SORBS2: variants seen among roughly 807,000 people sequenced by gnomAD.
SORBS2 encodes the protein sorbin and SH3 domain-containing protein 2.
In SORBS2, 46 loss-of-function variants were observed where a neutral mutation model predicts 97.7. That is an observed-to-expected ratio of 0.47 (90% CI 0.37 to 0.60). The LOEUF is 0.60. SORBS2 is among the 20% of genes least tolerant of loss of function. The pLI is 0.00. For synonymous variants in SORBS2, 476 were observed against 473.4 expected, an observed-to-expected ratio of 1.01 and a Z score of -0.07; for missense variants, 1,316 against 1,282.3, an observed-to-expected ratio of 1.03 and a Z score of -0.40.
intron 1 of SORBS2, among the ~76,000 whole-genome samples, chr4:185,862,396 A>G (rs2099224346): frequency 6.6e-6 from 1 of 152,244 alleles, no homozygotes; most frequent in Non-Finnish European, 1.5e-5. Context: ...GACAGGATAT[A>G]TTTGACTTTG....
intron 3 of SORBS2, 49 bp from the exon 7 acceptor site, chr4:185,678,596 A>G: frequency 6.8e-7 from 1 of 1,469,408 alleles, no homozygotes. Flanking sequence ...ACGTTCACTT[A>G]AACATTTTTT....
Position 185,624,129 on chromosome 4 carries a change from C to T in SORBS2, c.1000G>A (p.Val334Ile), listed in dbSNP as rs139854513. 74 of 1,614,224 alleles carry T rather than the reference C, an allele frequency of 4.6e-5. No individual in the cohort carries two copies. The Admixed American group carries it at 1.2e-3, about 27-fold the overall frequency. ...ATCCTTGATCTGCCGTTACTGCGAA[C>T]CTCCGGGACGTAGGGGGACCCCCAC... Residue 334 changes from valine to isoleucine, a missense_variant, in exon 7 of 15, where the codon GTT (valine) becomes ATT (isoleucine). Physicochemically the swap from Val to Ile is conservative, Grantham distance 29. Coordinates refer to ENST00000418609, the Ensembl canonical transcript of SORBS2.
intron 1 of SORBS2, among the ~76,000 whole-genome samples, chr4:185,896,071 A>T (rs115229898): frequency 5.9e-4 from 90 of 152,300 alleles, no homozygotes; most frequent in African/African-American, 2.1e-3. Flanking sequence ...ATAGGCCAAA[A>T]AAAGCTCCGG....
intron 12 of SORBS2, among the ~76,000 whole-genome samples, chr4:185,598,973 T>C (rs2096187744): frequency 6.6e-6 from 1 of 152,132 alleles, no homozygotes; most frequent in South Asian, 2.1e-4. Flanking sequence ...CAAAAGAAGC[T>C]TATGTTTTGC....
At chr4:185,917,960 A>G (rs1355060561) in intron 1 of SORBS2, among the ~76,000 whole-genome samples, 2 of 152,220 alleles carry the variant, frequency 1.3e-5, no homozygotes, top group African/African-American at 2.4e-5. Context: ...ACTTCCATGT[A>G]TTATGAATAT....
chr4:185,775,352 G>A, exon 2 of SORBS2: 1 of 152,594 alleles, frequency 6.6e-6, no homozygotes, highest in East Asian at 1.9e-4. Flanking sequence ...TTAAGATTAA[G>A]TCCAATCCAA....
intron 1 of SORBS2, among the ~76,000 whole-genome samples, chr4:185,843,683 AATT>A (rs1388903077): frequency 6.6e-6 from 1 of 152,190 alleles, no homozygotes; most frequent in African/African-American, 2.4e-5. Context: ...TATAACTATA[AATT>A]ATTAATGAAA....
chr4:185,875,387 TA>T (rs1420400328), intron 1 of SORBS2, among the ~76,000 whole-genome samples: 2 of 152,034 alleles, frequency 1.3e-5, no homozygotes, highest in East Asian at 1.9e-4. Context: ...ATTTATCAAC[TA>T]AAAAAATTAA....
intron 2 of SORBS2, chr4:185,774,956 C>G (rs1263150656): frequency 2.0e-5 from 3 of 151,112 alleles, no homozygotes; most frequent in African/African-American, 7.3e-5. Context: ...TCTCATTGCT[C>G]TGGCAATCAG....
At chr4:185,648,524 C>G (rs916053219) in intron 3 of SORBS2, among the ~76,000 whole-genome samples, 1 of 151,228 alleles carries the variant, frequency 6.6e-6, no homozygotes, top group Admixed American at 6.6e-5. Flanking sequence ...GCATGAGCCA[C>G]CACGCCTGGC....
chr4:185,914,380 A>T (rs529882170), intron 1 of SORBS2, among the ~76,000 whole-genome samples: 1 of 152,252 alleles, frequency 6.6e-6, no homozygotes, highest in African/African-American at 2.4e-5. Context: ...TTCTGGTATA[A>T]TTTTTATGTA....
At chr4:185,808,591 T>C (rs994125789) in intron 1 of SORBS2, among the ~76,000 whole-genome samples, 4 of 152,188 alleles carry the variant, frequency 2.6e-5, no homozygotes, top group African/African-American at 9.6e-5. Flanking sequence ...GAGAATATTC[T>C]CTCCCTTACC....
intron 2 of SORBS2, among the ~76,000 whole-genome samples, chr4:185,756,167 AC>A (rs2098829216): frequency 6.6e-6 from 1 of 152,208 alleles, no homozygotes. Context: ...AAAATCGAAT[AC>A]AAGATGCTCA....
chr4:185,789,963 C>T (rs546554855), intron 1 of SORBS2, among the ~76,000 whole-genome samples: 7 of 152,258 alleles, frequency 4.6e-5, no homozygotes, highest in African/African-American at 1.7e-4. Context: ...TGGAGCAGTG[C>T]CTCCATGGGC....
intron 2 of SORBS2, among the ~76,000 whole-genome samples, chr4:185,746,868 A>G (rs2098764314): frequency 6.6e-6 from 1 of 152,218 alleles, no homozygotes; most frequent in African/African-American, 2.4e-5. Flanking sequence ...TCTTAAATTC[A>G]TGTATCGAAG....
chr4:185,777,640 AAGTC>A (rs1186645840), intron 1 of SORBS2, among the ~76,000 whole-genome samples: 1 of 152,190 alleles, frequency 6.6e-6, no homozygotes, highest in Non-Finnish European at 1.5e-5. Context: ...CATTTGGTGA[AAGTC>A]AGTACCATCA....
At chr4:185,953,667 G>T (rs1344145777) in intron 1 of SORBS2, among the ~76,000 whole-genome samples, 1 of 152,250 alleles carries the variant, frequency 6.6e-6, no homozygotes, top group Non-Finnish European at 1.5e-5. Flanking sequence ...GGGCCTTTCT[G>T]TTGCTGGCTC....
intron 1 of SORBS2, among the ~76,000 whole-genome samples, chr4:185,781,621 A>C: frequency 6.9e-6 from 1 of 145,970 alleles, no homozygotes; most frequent in Non-Finnish European, 1.5e-5. Flanking sequence ...CGGCCCCTCC[A>C]GCCTCCCTTC....
At chr4:185,588,697 C>T (rs957410360) in intron 14 of SORBS2, among the ~76,000 whole-genome samples, 1 of 149,446 alleles carries the variant, frequency 6.7e-6, no homozygotes, top group African/African-American at 2.5e-5. Context: ...TCACTGCAAC[C>T]TCTGCCTCTT....
Sources: gnomAD v4.1 joint callset for allele counts (sites outside exome capture counted in the v4.1 genomes callset) on GRCh38, gnomAD v4.1.1 for gene constraint, MANE v1.5 for transcripts, NCBI Gene and HGNC (gene_info 2026-07-23, HGNC 2026-07-21) for gene names.